TAFA1: variants seen among roughly 807,000 people sequenced by gnomAD.
The protein encoded by TAFA1 is chemokine-like protein TAFA-1.
In TAFA1, 4 loss-of-function variants were observed where a neutral mutation model predicts 18.5. That is an observed-to-expected ratio of 0.22 (90% CI 0.11 to 0.49). TAFA1 has a LOEUF of 0.49. Among genes scored for constraint, TAFA1 ranks in the 20% least tolerant of loss-of-function variants. The probability of loss-of-function intolerance (pLI) is 0.98; values close to 1 mark genes in which losing one functional copy is unlikely to be tolerated. For synonymous variants in TAFA1, 56 were observed against 55.2 expected, an observed-to-expected ratio of 1.01 and a Z score of -0.06; for missense variants, 147 against 169.0, an observed-to-expected ratio of 0.87 and a Z score of 0.72.
upstream of TAFA1, among the ~76,000 whole-genome samples, chr3:68,001,914 T>C (rs1448360970): frequency 1.3e-5 from 2 of 152,204 alleles, no homozygotes; most frequent in Non-Finnish European, 2.9e-5. Context: ...AACTTGTCCC[T>C]GCTTCAAAGG....
intron 2 of TAFA1, among the ~76,000 whole-genome samples, chr3:68,151,934 A>C (rs376345230): frequency 6.6e-6 from 1 of 152,208 alleles, no homozygotes; most frequent in Non-Finnish European, 1.5e-5. Flanking sequence ...TGAGAAGCTC[A>C]TTCATGTAAA....
chr3:68,381,487 TC>T (rs1313400783), intron 2 of TAFA1, among the ~76,000 whole-genome samples: 24 of 152,312 alleles, frequency 1.6e-4, no homozygotes, highest in South Asian at 1.0e-3. Context: ...GTCCTTCACA[TC>T]CCTTGTAAGT....
intron 3 of TAFA1, among the ~76,000 whole-genome samples, chr3:68,422,066 A>T (rs2070964596): frequency 6.6e-6 from 1 of 152,136 alleles, no homozygotes; most frequent in African/African-American, 2.4e-5. Flanking sequence ...ACATATTAAT[A>T]TATGTCCTTC....
intron 2 of TAFA1, among the ~76,000 whole-genome samples, chr3:68,369,188 C>CA (rs1491230330): frequency 2.5e-5 from 3 of 118,842 alleles, no homozygotes; most frequent in African/African-American, 1.1e-4. Context: ...TTGGTGCAGG[C>CA]ACACACACAC....
chr3:68,377,826 C>A lies in TAFA1; in HGVS notation c.119-39454C>A, dbSNP rs1224357470. On this transcript the variant is annotated intron_variant, in intron 2 of 4. Transcript: ENST00000478136. ...GCATCAGGATTTTGTGCCCTGCATC[C>A]CAGCTGCTCCAGCTCCAGCCATGGC... Among the ~76,000 whole-genome samples the A allele has an allele frequency of 2.6e-5, 4 of 152,232 alleles. No individual in the cohort carries two copies. In the East Asian group the frequency reaches 7.8e-4, roughly 30 times the overall value.
intron 2 of TAFA1, among the ~76,000 whole-genome samples, chr3:68,190,070 G>A (rs1344847976): frequency 6.6e-6 from 1 of 151,920 alleles, no homozygotes; most frequent in African/African-American, 2.4e-5. Flanking sequence ...TCTGTCAAAA[G>A]AACTGCTATC....
At chr3:68,308,555 A>T (rs2068460314) in intron 2 of TAFA1, among the ~76,000 whole-genome samples, 1 of 152,046 alleles carries the variant, frequency 6.6e-6, no homozygotes, top group Non-Finnish European at 1.5e-5. Flanking sequence ...TGGAGCCACA[A>T]AAAAAAGGCT....
At chr3:68,377,211 G>A (rs2069836421) in intron 2 of TAFA1, among the ~76,000 whole-genome samples, 1 of 152,144 alleles carries the variant, frequency 6.6e-6, no homozygotes, top group African/African-American at 2.4e-5. Flanking sequence ...TTTGGAACTG[G>A]GTAATGGGCA....
At chr3:68,223,922 A>G (rs754331733) in intron 2 of TAFA1, among the ~76,000 whole-genome samples, 9 of 151,592 alleles carry the variant, frequency 5.9e-5, no homozygotes, top group Non-Finnish European at 1.2e-4. Context: ...TTATGTGACT[A>G]CCTCAACATC....
chr3:68,207,145 T>C (rs528901878), intron 2 of TAFA1, among the ~76,000 whole-genome samples: 5 of 152,022 alleles, frequency 3.3e-5, no homozygotes, highest in Admixed American at 3.3e-4. Context: ...AAAGCAGTAT[T>C]TTTCAGCCCT....
chr3:68,010,010 T>C (rs1006359592), intron 2 of TAFA1, among the ~76,000 whole-genome samples: 3 of 152,078 alleles, frequency 2.0e-5, no homozygotes, highest in Non-Finnish European at 2.9e-5. Context: ...GAGAAAAAAA[T>C]GAGACACCCG....
chr3:68,177,897 C>G (rs1201014636), intron 2 of TAFA1, among the ~76,000 whole-genome samples: 2 of 152,174 alleles, frequency 1.3e-5, no homozygotes. Context: ...GTAATCCCAG[C>G]CCTTTGGGAG....
At chr3:68,435,795 T>G (rs1199101213) in intron 3 of TAFA1, among the ~76,000 whole-genome samples, 1 of 152,176 alleles carries the variant, frequency 6.6e-6, no homozygotes, top group African/African-American at 2.4e-5. Flanking sequence ...ATTCTACTTA[T>G]GCAGAAAAAG....
At chr3:68,302,445 C>T (rs2068321508) in intron 2 of TAFA1, among the ~76,000 whole-genome samples, 2 of 152,142 alleles carry the variant, frequency 1.3e-5, no homozygotes, top group African/African-American at 4.8e-5. Flanking sequence ...AACAGCTAAG[C>T]TACTCTGAAA....
chr3:68,360,040 G>A (rs940799709), intron 2 of TAFA1, among the ~76,000 whole-genome samples: 1 of 151,898 alleles, frequency 6.6e-6, no homozygotes, highest in African/African-American at 2.4e-5. Flanking sequence ...GTATTTATCA[G>A]GATCAATCAA....
chr3:68,058,503 T>C (rs1194622203), intron 2 of TAFA1, among the ~76,000 whole-genome samples: 1 of 152,198 alleles, frequency 6.6e-6, no homozygotes, highest in Non-Finnish European at 1.5e-5. Flanking sequence ...ATTTCCCAGA[T>C]AGACACATAG....
At chr3:68,111,663 C>T (rs923130833) in intron 2 of TAFA1, among the ~76,000 whole-genome samples, 15 of 151,670 alleles carry the variant, frequency 9.9e-5, no homozygotes, top group Non-Finnish European at 2.2e-4. Flanking sequence ...TTAGATTATG[C>T]TAAGCTAAGA....
At chr3:68,168,158 A>AAAG (rs2066008469) in intron 2 of TAFA1, among the ~76,000 whole-genome samples, 1 of 151,578 alleles carries the variant, frequency 6.6e-6, no homozygotes, top group Admixed American at 6.6e-5. Flanking sequence ...AAAAAAAAAA[A>AAAG]AAGAAGGCTT....
At chr3:68,415,422 C>G (rs2070812272) in intron 2 of TAFA1, among the ~76,000 whole-genome samples, 1 of 152,104 alleles carries the variant, frequency 6.6e-6, no homozygotes, top group Non-Finnish European at 1.5e-5. Context: ...GAGGAGCATT[C>G]TCTAAGGAAC....
Sources: gnomAD v4.1 joint callset for allele counts (sites outside exome capture counted in the v4.1 genomes callset) on GRCh38, gnomAD v4.1.1 for gene constraint, MANE v1.5 for transcripts, NCBI Gene and HGNC (gene_info 2026-07-23, HGNC 2026-07-21) for gene names.